Variants in POLN observed in about 807,000 individuals in gnomAD.
POLN encodes the protein DNA polymerase nu.
POLN carries 108 observed loss-of-function variants against 113.5 expected under a neutral mutation model. The ratio of observed to expected loss-of-function variants is 0.95; its 90% confidence interval spans 0.81 to 1.12. The LOEUF (loss-of-function observed/expected upper bound fraction) is 1.12, where lower values mean the gene tolerates loss of function less well. Among genes scored for constraint, POLN ranks in the 50% most tolerant of loss-of-function variants. POLN has a pLI of 0.00. For synonymous variants in POLN, 386 were observed against 391.5 expected, an observed-to-expected ratio of 0.99 and a Z score of 0.17; for missense variants, 1,097 against 1,077.1, an observed-to-expected ratio of 1.02 and a Z score of -0.26.
chr4:2,115,785 C>T (rs1474627079), intron 19 of POLN, among the ~76,000 whole-genome samples: 1 of 152,218 alleles, frequency 6.6e-6, no homozygotes, highest in African/African-American at 2.4e-5. Context: ...GTCTGGACTT[C>T]ATTGCAACTC....
At chr4:2,157,972 G>T (rs1732478950) in intron 14 of POLN, 61 bp from the exon 15 acceptor site, 1 of 1,361,846 alleles carries the variant, frequency 7.3e-7, no homozygotes, top group Non-Finnish European at 1.0e-6. Flanking sequence ...TTTGTGGGGG[G>T]AAGGAGTCTC....
In POLN at chr4:2,157,843, T is replaced by C. The variant is rs570997100; in HGVS notation, c.1665+15A>G. 47 of 1,587,314 alleles carry C rather than the reference T, an allele frequency of 3.0e-5. No homozygotes were observed. In the South Asian group the frequency reaches 3.6e-4, roughly 12 times the overall value. ...CACAGTCCTAATCACAGTATCTTTT[T>C]GTAAAGCTTGTTACCTTTTTCATGC... On this transcript the variant is annotated intron_variant, in intron 15 of 25. Transcript: ENST00000511885.
intron 16 of POLN, among the ~76,000 whole-genome samples, chr4:2,133,743 C>T (rs1577713398): frequency 6.6e-6 from 1 of 152,224 alleles, no homozygotes; most frequent in East Asian, 1.9e-4. Flanking sequence ...CTTTTCTCCC[C>T]CTGCCCCCCA....
intron 9 of POLN, among the ~76,000 whole-genome samples, chr4:2,175,074 T>C (rs1457567877): frequency 1.3e-5 from 2 of 152,186 alleles, no homozygotes; most frequent in Non-Finnish European, 2.9e-5. Context: ...TCTGCCCACC[T>C]TGGCCTCCCG....
At chr4:2,180,613 A>G (rs1041004775) in intron 7 of POLN, among the ~76,000 whole-genome samples, 3 of 152,236 alleles carry the variant, frequency 2.0e-5, no homozygotes, top group African/African-American at 7.2e-5. Context: ...TCAGCAGCAC[A>G]TGATTTTCTA....
intron 16 of POLN, among the ~76,000 whole-genome samples, chr4:2,138,986 G>C (rs1008049413): frequency 2.0e-5 from 3 of 152,020 alleles, no homozygotes; most frequent in Non-Finnish European, 4.4e-5. Flanking sequence ...GAATGAAGAG[G>C]GTTGAGACTG....
chr4:2,208,367 A>T lies in POLN; in HGVS notation c.334T>A (p.Leu112Met). ...ADQKQKSISS[L>M]TLSSCLIPQY... The stretch of plus-strand genomic sequence containing the variant: ...GGAATTAAACAACTTGAAAGAGTCA[A>T]TGAGCTGATGCTCTTCTGTTTTTGG... The change falls in exon 5 of 26, where the codon TTG becomes ATG. Residue 112 changes from leucine to methionine, a missense_variant. By Grantham distance (15) the Leu-to-Met change is conservative. Coordinates refer to ENST00000511885, the MANE Select transcript of POLN (RefSeq NM_181808.4). 1 of 1,613,706 alleles carries T rather than the reference A, an allele frequency of 6.2e-7. No homozygotes were observed. Among genetic ancestry groups the T allele is most frequent in the Non-Finnish European group, 8.5e-7 (1 of 1,179,946 alleles).
In POLN at chr4:2,072,175, G is replaced by C; in HGVS notation, c.2642C>G (p.Pro881Arg). 1 of 1,611,640 alleles carries C rather than the reference G, an allele frequency of 6.2e-7. No individual in the cohort carries two copies. Among genetic ancestry groups the C allele is most frequent in the East Asian group, 2.2e-5 (1 of 44,802 alleles). The change falls in exon 26 of 26, where the codon CCT becomes CGT. Residue 881 changes from proline (P) to arginine (R), a missense_variant. Coordinates refer to ENST00000511885, the MANE Select transcript of POLN (RefSeq NM_181808.4). ...TESPSNSLAA[P>R]GSPASTQPPP... ...GGGCTGGGTGCTGGCAGGGGACCCAGGGGCAGCCAGGCTGTTGCTGGGAGA... is the reference window on the plus strand; with the variant it reads ...GGGCTGGGTGCTGGCAGGGGACCCACGGGCAGCCAGGCTGTTGCTGGGAGA...
At position 2,236,899 on chromosome 4, in the gene POLN, A is replaced by T. The variant is rs570795170; in HGVS notation, c.-13+4621T>A. 7.4e-5 allele frequency among the ~76,000 whole-genome samples: 11 copies of T among 149,322 alleles called. No homozygotes were observed. The East Asian group carries it at 1.9e-3, about 26-fold the overall frequency. On this transcript the variant is annotated intron_variant, in intron 2 of 25. Transcript: ENST00000511885. ...AATAATAATTATAATTATAATAATA[A>T]TATTATTATTATTTGTGTGCCTGCA...
At chr4:2,236,374 A>G (rs1352695081) in intron 2 of POLN, 1 of 1,613,650 alleles carries the variant, frequency 6.2e-7, no homozygotes, top group South Asian at 1.1e-5. Context: ...TTCTGTTTCA[A>G]TTTCTCAGCC....
chr4:2,165,925 C>A (rs933614021), intron 13 of POLN, among the ~76,000 whole-genome samples: 3 of 152,002 alleles, frequency 2.0e-5, no homozygotes, highest in Admixed American at 2.0e-4. Flanking sequence ...TACCAGTGTG[C>A]ACCACCATAC....
chr4:2,208,249 C>T lies in POLN; in HGVS notation c.452G>A (p.Ser151Asn), dbSNP rs144537020. 359 of 1,586,784 alleles carry T rather than the reference C, an allele frequency of 2.3e-4. 1 individual carries two copies. The highest frequency in any genetic ancestry group is 2.8e-4 in the Non-Finnish European group (322 of 1,160,548). Residue 151 changes from serine to asparagine, a missense_variant, in exon 5 of 26, where the codon AGC becomes AAC. Transcript: ENST00000511885. The part of the protein sequence containing the change: ...MENINNENKG[S>N]INLKRKHITY... ...AATATGTTTTCTTTTAAGATTAATG[C>T]TTCCTTTATTTTCATTATTTATATT...
intron 3 of POLN, among the ~76,000 whole-genome samples, chr4:2,223,379 T>C (rs1218119234): frequency 6.6e-6 from 1 of 152,180 alleles, no homozygotes; most frequent in East Asian, 1.9e-4. Flanking sequence ...GGCAGCAGCA[T>C]TAGATTCTCA....
chr4:2,201,277 CAAAAAAAAA>C (rs35399602), intron 5 of POLN, among the ~76,000 whole-genome samples: 7 of 15,830 alleles, frequency 4.4e-4, no homozygotes, highest in East Asian at 3.6e-3. Flanking sequence ...CCTACCACTC[CAAAAAAAAA>C]AAAAAAAAAA....
At chr4:2,224,593 A>G (rs1734338863) in intron 3 of POLN, among the ~76,000 whole-genome samples, 1 of 152,166 alleles carries the variant, frequency 6.6e-6, no homozygotes, top group Non-Finnish European at 1.5e-5. Flanking sequence ...TATACTATAT[A>G]CAGAGTGCTA....
At chr4:2,133,117 T>C (rs1311412325) in intron 16 of POLN, among the ~76,000 whole-genome samples, 1 of 143,522 alleles carries the variant, frequency 7.0e-6, no homozygotes, top group Non-Finnish European at 1.5e-5. Context: ...GCCAGCCTGA[T>C]GTAAATTTAC....
At chr4:2,172,853 C>T (rs1310806860) in intron 11 of POLN, among the ~76,000 whole-genome samples, 1 of 152,180 alleles carries the variant, frequency 6.6e-6, no homozygotes, top group Non-Finnish European at 1.5e-5. Context: ...AGGGAATGCA[C>T]TCAGAGGTAC....
intron 19 of POLN, among the ~76,000 whole-genome samples, chr4:2,107,633 A>G (rs73073221): frequency 0.072 from 10,944 of 152,180 alleles, 1,336 homozygotes; most frequent in African/African-American, 0.25. Context: ...TGGAAACGCG[A>G]AGAGAGAAAA....
At chr4:2,159,466 G>A (rs1001658108) in intron 13 of POLN, among the ~76,000 whole-genome samples, 3 of 152,132 alleles carry the variant, frequency 2.0e-5, no homozygotes, top group South Asian at 2.1e-4. Context: ...TTAAGTTAGC[G>A]AAATCTAAAT....
Sources: allele counts gnomAD v4.1 joint callset (sites outside exome capture counted in the v4.1 genomes callset), GRCh38; gene constraint gnomAD v4.1.1; transcripts MANE v1.5; gene names NCBI Gene and HGNC (gene_info 2026-07-23, HGNC 2026-07-21).